The following HIVEP3 variants were observed in gnomAD, a reference collection of about 807,000 sequenced individuals.
HIVEP3 encodes the protein HIVEP zinc finger 3.
Under a neutral mutation model 152.8 loss-of-function variants are expected in HIVEP3, and 49 were observed. That is an observed-to-expected ratio of 0.32 (90% CI 0.26 to 0.41). The LOEUF (loss-of-function observed/expected upper bound fraction) is 0.41, where lower values mean the gene tolerates loss of function less well. Ranked by LOEUF, HIVEP3 falls within the 10% of genes least tolerant of loss-of-function variation. The pLI is 1.00. For missense variants in HIVEP3, 2,790 were observed against 3,103.3 expected (o/e 0.90, Z 2.40); for synonymous variants, 1,269 against 1,289.0 (o/e 0.98, Z 0.33).
At chr1:41,861,011 C>T (rs954189627) in intron 1 of HIVEP3, among the ~76,000 whole-genome samples, 6 of 152,194 alleles carry the variant, frequency 3.9e-5, no homozygotes, top group Admixed American at 1.3e-4. Context: ...TCCCGAACTA[C>T]GAGGGAGGAG....
Position 41,510,372 on chromosome 1 carries a change from T to C in HIVEP3, c.*79A>G, listed in dbSNP as rs1246082593. 5.6e-6 allele frequency: 7 copies of C among 1,252,482 alleles called. No individual in the cohort carries two copies. The highest frequency in any genetic ancestry group is 7.4e-6 in the Non-Finnish European group (7 of 950,486). The allele number at this position is 1,252,482 out of a possible 1,614,324, so 77.6% of individuals were successfully genotyped here. A position where few individuals can be genotyped will look rare whatever the true frequency, so the allele number is the denominator to read the frequency against. On this transcript the variant is annotated 3_prime_UTR_variant, in exon 9 of 9. Coordinates refer to ENST00000372583, the MANE Select transcript of HIVEP3 (RefSeq NM_024503.5). The stretch of plus-strand genomic sequence containing the variant: ...GGAGGGACAGATGGGGCTGAGGAAG[T>C]GGGATGATTCGAGGAAAGTGGCTGG...
intron 1 of HIVEP3, among the ~76,000 whole-genome samples, chr1:41,844,403 T>C (rs1271561308): frequency 1.3e-5 from 2 of 152,172 alleles, no homozygotes; most frequent in Non-Finnish European, 2.9e-5. Context: ...GAGACACAAG[T>C]AGCAACACAC....
At chr1:41,772,614 A>C (rs1375121033) in intron 1 of HIVEP3, among the ~76,000 whole-genome samples, 4 of 152,210 alleles carry the variant, frequency 2.6e-5, no homozygotes, top group Non-Finnish European at 5.9e-5. Context: ...GAGAACAAAC[A>C]AAGAATAAAA....
chr1:41,540,972 C>T (rs1159943369), intron 5 of HIVEP3, among the ~76,000 whole-genome samples: 1 of 152,174 alleles, frequency 6.6e-6, no homozygotes, highest in Non-Finnish European at 1.5e-5. Flanking sequence ...CAGACATAAA[C>T]AGCCAGTAGG....
rs775146469 is a variant in HIVEP3, at chr1:41,582,609, A to G, written c.2189T>C (p.Phe730Ser). Reference protein sequence around the residue: ...SLGDEEEPPAFESTKSQFGSP... With the variant: ...SLGDEEEPPASESTKSQFGSP... ...GCCAAACTGACTTTTTGTGGACTCAAAGGCAGGTGGCTCTTCCTCGTCCCC... is the reference window on the plus strand; with the variant it reads ...GCCAAACTGACTTTTTGTGGACTCAGAGGCAGGTGGCTCTTCCTCGTCCCC... Residue 730 changes from phenylalanine (F) to serine (S), a missense_variant, in exon 4 of 9, where the codon TTT becomes TCT. Phe to Ser is a radical substitution (Grantham distance 155, BLOSUM62 -2). Transcript: ENST00000372583. This position sits in a 1 kb window ranked among gnomAD's most constrained non-coding sequence, Gnocchi z 4.7. The G allele has an allele frequency of 2.9e-5, 47 of 1,613,214 alleles. No individual in the cohort carries two copies. The highest frequency in any genetic ancestry group is 2.2e-4 in the South Asian group (20 of 90,958).
chr1:41,637,537 C>T lies in HIVEP3; in HGVS notation c.-720-8590G>A, dbSNP rs368590947. 5.3e-5 allele frequency among the ~76,000 whole-genome samples: 8 copies of T among 152,196 alleles called. No individual in the cohort carries two copies. The East Asian group carries it at 7.7e-4, about 15-fold the overall frequency. ...CTACAGAGGCTAAGGCCTGACCAAG[C>T]GGTGAACCTTGGTCTGTTAGACTCT... On this transcript the variant is annotated intron_variant, in intron 2 of 8. Transcript: ENST00000372583.
rs373500237 is a variant in HIVEP3 at position 41,808,845 on chromosome 1, T to A, written c.-800-107850A>T. ...AGCCTGCAGTTCTTACAAGTTGTTA[T>A]AAGGGATCTCATTTATGGAGCACCT... is the stretch of plus-strand genomic sequence containing the variant. On this transcript the variant is annotated intron_variant, in intron 1 of 8. Transcript: ENST00000372583. Among the ~76,000 whole-genome samples the A allele has an allele frequency of 4.7e-4, 72 of 152,372 alleles. No individual in the cohort carries two copies. The East Asian group carries it at 9.8e-3, about 21-fold the overall frequency.
chr1:41,958,326 G>A (rs1485590703), intron 1 of HIVEP3, among the ~76,000 whole-genome samples: 1 of 152,242 alleles, frequency 6.6e-6, no homozygotes, highest in Non-Finnish European at 1.5e-5. Context: ...CAATGCCATT[G>A]TAAGTAAAGG....
At chr1:42,006,089 T>C (rs1350195610) in intron 1 of HIVEP3, among the ~76,000 whole-genome samples, 4 of 152,196 alleles carry the variant, frequency 2.6e-5, no homozygotes, top group Non-Finnish European at 4.4e-5. Flanking sequence ...CGTTGGATCA[T>C]TGCTAGATGT....
chr1:41,979,320 T>C (rs1038055559), intron 1 of HIVEP3, among the ~76,000 whole-genome samples: 11 of 152,180 alleles, frequency 7.2e-5, no homozygotes, highest in African/African-American at 2.7e-4. Flanking sequence ...GCCTTCTGTA[T>C]GCCTGGCCCG....
At chr1:41,612,810 G>A (rs927931373) in intron 3 of HIVEP3, among the ~76,000 whole-genome samples, 3 of 152,236 alleles carry the variant, frequency 2.0e-5, no homozygotes, top group Non-Finnish European at 2.9e-5. Context: ...GTACCACAGT[G>A]CCAGCCCCTG....
At chr1:41,720,750 A>G (rs1646662487) in intron 1 of HIVEP3, among the ~76,000 whole-genome samples, 1 of 152,254 alleles carries the variant, frequency 6.6e-6, no homozygotes, top group African/African-American at 2.4e-5. Flanking sequence ...TTGCACTCTT[A>G]TGTTCATTAC....
intron 1 of HIVEP3, among the ~76,000 whole-genome samples, chr1:41,846,988 G>A (rs1262158242): frequency 2.0e-5 from 3 of 152,222 alleles, no homozygotes; most frequent in East Asian, 1.9e-4. Flanking sequence ...GCAAGGCAAC[G>A]GAAGCCAGAG....
intron 1 of HIVEP3, among the ~76,000 whole-genome samples, chr1:41,759,852 G>A (rs377007330): frequency 6.6e-6 from 1 of 152,176 alleles, no homozygotes; most frequent in Non-Finnish European, 1.5e-5. Context: ...GACCTCACAG[G>A]GTGGTCTAAA....
At chr1:41,586,648 C>T (rs1010882137) in intron 3 of HIVEP3, among the ~76,000 whole-genome samples, 5 of 152,102 alleles carry the variant, frequency 3.3e-5, no homozygotes, top group Admixed American at 6.6e-5. Context: ...CCACTTACTA[C>T]ATTTTTGCAG....
chr1:41,584,025 A>G lies in HIVEP3; in HGVS notation c.773T>C (p.Met258Thr), dbSNP rs755514168. Residue 258 changes from methionine (M) to threonine (T), a missense_variant, in exon 4 of 9, where the codon ATG becomes ACG. Physicochemically the swap from Met to Thr is moderately conservative, Grantham distance 81 (BLOSUM62 -1). Transcript: ENST00000372583. The surrounding 1 kb of genome is among the most constrained non-coding windows in gnomAD (Gnocchi z 5.2). ...AGLASGMGGE[M>T]YPHGLEMERI... ...CTCCATCTCCAGCCCATGTGGGTAC[A>G]TCTCGCCACCCATGCCTGAGGCCAG... 7.4e-6 allele frequency: 12 copies of G among 1,614,136 alleles called. No individual in the cohort carries two copies. Among genetic ancestry groups the G allele is most frequent in the Middle Eastern group, 1.6e-4 (1 of 6,062 alleles).
intron 1 of HIVEP3, among the ~76,000 whole-genome samples, chr1:41,929,683 C>T (rs558269757): frequency 1.4e-4 from 18 of 126,094 alleles, no homozygotes; most frequent in East Asian, 7.4e-4. Context: ...CCTATATTTC[C>T]GTATCTATCA....
At chr1:41,558,062 T>C (rs890951496) in intron 5 of HIVEP3, among the ~76,000 whole-genome samples, 4 of 152,150 alleles carry the variant, frequency 2.6e-5, no homozygotes, top group African/African-American at 9.7e-5. Flanking sequence ...GAGCTGGGAT[T>C]GAACTGGGCA....
intron 5 of HIVEP3, among the ~76,000 whole-genome samples, chr1:41,545,882 A>G (rs950893586): frequency 2.0e-5 from 3 of 152,092 alleles, no homozygotes; most frequent in Non-Finnish European, 2.9e-5. Context: ...AGAGAGGAAC[A>G]GTAACAGGGT....
Sources: allele counts gnomAD v4.1 joint callset (sites outside exome capture counted in the v4.1 genomes callset), GRCh38; gene constraint gnomAD v4.1.1; non-coding constraint Gnocchi (gnomAD v3.1); transcripts MANE v1.5; gene names NCBI Gene and HGNC (gene_info 2026-07-23, HGNC 2026-07-21).